DEFB1: variants seen among roughly 807,000 people sequenced by gnomAD.
DEFB1 encodes the protein beta-defensin 1.
Under a neutral mutation model 2.6 loss-of-function variants are expected in DEFB1, and 4 were observed. The ratio of observed to expected loss-of-function variants is 1.53; its 90% CI spans 0.76 to 3.51. The LOEUF is 3.51. Ranked by LOEUF, DEFB1 falls within the 30% of genes most tolerant of loss-of-function variation. The probability of loss-of-function intolerance (pLI) is 0.01; values close to 1 mark genes in which losing one functional copy is unlikely to be tolerated. For missense variants in DEFB1, 162 were observed against 76.9 expected (o/e 2.11, Z -4.14); for synonymous variants, 56 against 28.5 (o/e 1.96, Z -3.07).
At chr8:6,872,813 A>G (rs1806369989) in intron 1 of DEFB1, among the ~76,000 whole-genome samples, 2 of 152,188 alleles carry the variant, frequency 1.3e-5, no homozygotes, top group Admixed American at 6.5e-5. Context: ...ACCTCAAGTA[A>G]GATCATGACC....
chr8:6,872,511 C>G (rs146045523), intron 1 of DEFB1, among the ~76,000 whole-genome samples: 34 of 152,076 alleles, frequency 2.2e-4, no homozygotes, highest in African/African-American at 8.2e-4. Context: ...TATTGGCCAA[C>G]TTAAACACAT....
intron 1 of DEFB1, among the ~76,000 whole-genome samples, chr8:6,874,234 C>T (rs568794917): frequency 2.9e-4 from 44 of 151,788 alleles, no homozygotes; most frequent in South Asian, 6.3e-4. Context: ...AAGACCGAAA[C>T]AAAAGCAGGA....
chr8:6,873,270 T>G (rs921751805), intron 1 of DEFB1, among the ~76,000 whole-genome samples: 1 of 152,206 alleles, frequency 6.6e-6, no homozygotes, highest in Non-Finnish European at 1.5e-5. Context: ...TGATCTCACT[T>G]CAGTTCTCAT....
intron 1 of DEFB1, among the ~76,000 whole-genome samples, chr8:6,874,084 G>C (rs1008180679): frequency 6.6e-6 from 1 of 151,616 alleles, no homozygotes; most frequent in African/African-American, 2.4e-5. Context: ...TTGTGGACCA[G>C]GCAGCCCAAA....
intron 1 of DEFB1, among the ~76,000 whole-genome samples, chr8:6,876,542 T>C (rs1196048430): frequency 6.6e-6 from 1 of 151,828 alleles, no homozygotes; most frequent in Non-Finnish European, 1.5e-5. Flanking sequence ...ATGCCTATAA[T>C]CCCAGAACTT....
Position 6,870,620 on chromosome 8 carries a change from A to T in DEFB1, c.*61T>A. On this transcript the variant is annotated 3_prime_UTR_variant, in exon 2 of 2. Transcript: ENST00000297439. Reference sequence around the variant, plus strand: ...ACTTCAAAAGCAATTTTCCTTTATTAAAAGAATGCTTATAAAAAGTTCATT... The same window carrying T: ...ACTTCAAAAGCAATTTTCCTTTATTTAAAGAATGCTTATAAAAAGTTCATT... 1 of 1,573,466 alleles carries T rather than the reference A, an allele frequency of 6.4e-7. No homozygotes were observed. The highest frequency in any genetic ancestry group is 8.6e-7 in the Non-Finnish European group (1 of 1,162,790).
intron 1 of DEFB1, among the ~76,000 whole-genome samples, chr8:6,874,133 ACACACACACACACG>A (rs954159130): frequency 5.1e-4 from 32 of 63,092 alleles, no homozygotes; most frequent in East Asian, 1.4e-3. Flanking sequence ...ACACACACAC[ACACACACACACACG>A]CACACACACG....
At chr8:6,872,697 C>A (rs1053340191) in intron 1 of DEFB1, among the ~76,000 whole-genome samples, 1 of 152,224 alleles carries the variant, frequency 6.6e-6, no homozygotes, top group African/African-American at 2.4e-5. Flanking sequence ...TTTGTTCATA[C>A]AAAACACAGT....
rs371897938 is a variant in DEFB1, at chr8:6,877,797, C to A, written c.61G>T (p.Gly21Cys). 2 of 1,613,836 alleles carry A rather than the reference C, an allele frequency of 1.2e-6. No individual in the cohort carries two copies. Among genetic ancestry groups the A allele is most frequent in the Non-Finnish European group, 1.7e-6 (2 of 1,179,828 alleles). ...AACTCTTGCAGGTACCAGAGCTTAC[C>A]TGAGGCCATCTCAGACAAAAGTAAG... is the stretch of plus-strand genomic sequence containing the variant. ...LCLLLSEMAS[G>C]GNFLTGLGHR... is the part of the protein sequence containing the mutation. Residue 21 changes from glycine to cysteine, a missense_variant and splice_region_variant, in exon 1 of 2, where the codon GGT becomes TGT. By Grantham distance (159) the Gly-to-Cys change is radical (BLOSUM62 -3). Coordinates refer to ENST00000297439, the MANE Select transcript of DEFB1 (RefSeq NM_005218.4).
chr8:6,870,821 T>C lies in DEFB1; in HGVS notation c.67A>G (p.Asn23Asp). Residue 23 changes from asparagine to aspartate, a missense_variant, in exon 2 of 2, where the codon AAC becomes GAC. Physicochemically the swap from Asn to Asp is conservative, Grantham distance 23. Coordinates refer to ENST00000297439, the MANE Select transcript of DEFB1 (RefSeq NM_005218.4). ...CTGTGGCCAAGGCCTGTGAGAAAGT[T>C]ACCACCTGTAAGGAGGGAACACAAA... ...LLLSEMASGG[N>D]FLTGLGHRSD... 6.2e-7 allele frequency: 1 copy of C among 1,612,722 alleles called. No individual in the cohort carries two copies. The highest frequency in any genetic ancestry group is 1.3e-5 in the African/African-American group (1 of 74,990).
Position 6,870,763 on chromosome 8 carries a change from C to G in DEFB1, c.125G>C (p.Gly42Ala), listed in dbSNP as rs773207188. ...SDHYNCVSSGGQCLYSACPIF... is the reference protein window; with the variant it reads ...SDHYNCVSSGAQCLYSACPIF... ...CGGGCAGGCAGAATAGAGACATTGCCCTCCACTGCTGACGCAATTGTAATG... is the reference window on the plus strand; with the variant it reads ...CGGGCAGGCAGAATAGAGACATTGCGCTCCACTGCTGACGCAATTGTAATG... Residue 42 changes from glycine (G) to alanine (A), a missense_variant, in exon 2 of 2, where the codon GGG becomes GCG. Coordinates refer to ENST00000297439, the MANE Select transcript of DEFB1 (RefSeq NM_005218.4). 1 of 1,614,218 alleles carries G rather than the reference C, an allele frequency of 6.2e-7. No homozygotes were observed. Among genetic ancestry groups the G allele is most frequent in the South Asian group, 1.1e-5 (1 of 91,088 alleles).
intron 1 of DEFB1, among the ~76,000 whole-genome samples, chr8:6,876,221 A>G (rs895438113): frequency 6.6e-6 from 1 of 152,194 alleles, no homozygotes; most frequent in Non-Finnish European, 1.5e-5. Context: ...TCATGGCTGT[A>G]ATCCCAGCAC....
intron 1 of DEFB1, among the ~76,000 whole-genome samples, chr8:6,875,557 C>T (rs1364457003): frequency 6.6e-6 from 1 of 152,184 alleles, no homozygotes; most frequent in Non-Finnish European, 1.5e-5. Flanking sequence ...ATTAAAACTC[C>T]AGTGAGCTAT....
At chr8:6,871,497 C>G (rs541271393) in intron 1 of DEFB1, among the ~76,000 whole-genome samples, 8 of 152,132 alleles carry the variant, frequency 5.3e-5, no homozygotes, top group African/African-American at 1.9e-4. Context: ...TGGCGAGGGA[C>G]CAGCAGGCCG....
chr8:6,872,839 A>C (rs974470499), intron 1 of DEFB1, among the ~76,000 whole-genome samples: 1 of 152,144 alleles, frequency 6.6e-6, no homozygotes, highest in African/African-American at 2.4e-5. Flanking sequence ...GACTCTGCCA[A>C]AGTCTCCACT....
intron 1 of DEFB1, among the ~76,000 whole-genome samples, chr8:6,873,094 C>G (rs994190730): frequency 2.6e-5 from 4 of 152,164 alleles, no homozygotes; most frequent in African/African-American, 9.7e-5. Context: ...GCAGAGGAGG[C>G]CCAAATTTAA....
intron 1 of DEFB1, 104 bp from the exon 2 acceptor site, chr8:6,870,930 T>G: frequency 1.6e-6 from 2 of 1,281,724 alleles, no homozygotes; most frequent in South Asian, 3.1e-5. Context: ...CACCGGAGAG[T>G]CTTCTCTTCC....
intron 1 of DEFB1, among the ~76,000 whole-genome samples, chr8:6,871,748 G>C (rs937160084): frequency 1.3e-5 from 2 of 152,220 alleles, no homozygotes; most frequent in Non-Finnish European, 2.9e-5. Flanking sequence ...TGAGGACCCA[G>C]GGAGGCGGCG....
Position 6,870,777 on chromosome 8 carries a change from G to A in DEFB1, c.111C>T (p.Cys37=), listed in dbSNP as rs5743490. The A allele has an allele frequency of 4.9e-3, 7,925 of 1,614,204 alleles. 29 individuals carry two copies. The highest frequency in any genetic ancestry group is 6.8e-3 in the Admixed American group (408 of 60,018). ...AGAGACATTGCCCTCCACTGCTGAC[G>A]CAATTGTAATGATCAGATCTGTGGC... is the stretch of plus-strand genomic sequence containing the variant. ...GLGHRSDHYN[C]VSSGGQCLYS... Residue 37 remains cysteine (C), a synonymous_variant, in exon 2 of 2, where the codon TGC becomes TGT. Coordinates refer to ENST00000297439, the MANE Select transcript of DEFB1 (RefSeq NM_005218.4).
Sources: gnomAD v4.1 joint callset for allele counts (sites outside exome capture counted in the v4.1 genomes callset) on GRCh38, gnomAD v4.1.1 for gene constraint, MANE v1.5 for transcripts, NCBI Gene and HGNC (gene_info 2026-07-23, HGNC 2026-07-21) for gene names.